The following LUZP2 variants were observed in gnomAD, a reference collection of about 807,000 sequenced individuals.
LUZP2 encodes the protein leucine zipper protein 2.
Under a neutral mutation model 51.6 loss-of-function variants are expected in LUZP2, and 52 were observed. The observed-to-expected ratio is 1.01, with a 90% CI of 0.81 to 1.27. The LOEUF is 1.27. Among genes scored for constraint, LUZP2 ranks in the 50% most tolerant of loss-of-function variants. The pLI, the probability that LUZP2 is intolerant of heterozygous loss-of-function variation, is 0.00. For missense variants in LUZP2, 436 were observed against 395.4 expected (o/e 1.10, Z -0.87); for synonymous variants, 154 against 137.3 (o/e 1.12, Z -0.85).
At chr11:24,638,161 C>T (rs1342160550) in intron 1 of LUZP2, among the ~76,000 whole-genome samples, 1 of 151,698 alleles carries the variant, frequency 6.6e-6, no homozygotes, top group Non-Finnish European at 1.5e-5. Flanking sequence ...CAAAACAAAA[C>T]TATATGAAAG....
At chr11:24,907,037 GC>G (rs1279097342) in intron 6 of LUZP2, among the ~76,000 whole-genome samples, 2 of 152,012 alleles carry the variant, frequency 1.3e-5, no homozygotes, top group Non-Finnish European at 2.9e-5. Flanking sequence ...ATCTTTTTCT[GC>G]CACTATCCTC....
Position 24,695,125 on chromosome 11 carries a change from C to A in LUZP2, c.63-34044C>A, listed in dbSNP as rs188667963. 3.9e-3 allele frequency among the ~76,000 whole-genome samples: 575 copies of A among 147,096 alleles called. 2 individuals are homozygous for A. The highest frequency in any genetic ancestry group is 0.013 in the African/African-American group (542 of 40,294). On this transcript the variant is annotated intron_variant, in intron 1 of 11. Transcript: ENST00000336930. ...GTCCAAAAAGTTTTCTCTATTTCAA[C>A]ATTGCCTAGCAATAAAAAATATATG...
At chr11:24,955,712 A>G (rs1408965198) in intron 7 of LUZP2, among the ~76,000 whole-genome samples, 1 of 152,030 alleles carries the variant, frequency 6.6e-6, no homozygotes, top group Non-Finnish European at 1.5e-5. Flanking sequence ...GACCAGGGAT[A>G]TAAGGCAACA....
intron 9 of LUZP2, among the ~76,000 whole-genome samples, chr11:25,024,626 C>T (rs2133979788): frequency 1.3e-5 from 2 of 152,122 alleles, no homozygotes; most frequent in East Asian, 3.9e-4. Flanking sequence ...AACTACAAAC[C>T]ACTGCTCAAC....
chr11:24,632,631 A>G (rs1214882675), intron 1 of LUZP2, among the ~76,000 whole-genome samples: 1 of 152,016 alleles, frequency 6.6e-6, no homozygotes, highest in Non-Finnish European at 1.5e-5. Context: ...GGGCAATCCT[A>G]ACAGCATCCC....
chr11:25,027,679 G>A lies in LUZP2; in HGVS notation c.766-22359G>A, dbSNP rs547186532. ...GAAGTCAGGAGGTCAAGATCAGCCTGGCCAAGATGGTGAAACCCCATCTCT... is the reference window on the plus strand; with the variant it reads ...GAAGTCAGGAGGTCAAGATCAGCCTAGCCAAGATGGTGAAACCCCATCTCT... On this transcript the variant is annotated intron_variant, in intron 9 of 11. Transcript: ENST00000336930. Among the ~76,000 whole-genome samples, 5 of 151,944 alleles carry A rather than the reference G, an allele frequency of 3.3e-5. No homozygotes were observed. The South Asian group carries it at 1.0e-3, about 32-fold the overall frequency.
chr11:24,506,452 C>A (rs758828346), intron 1 of LUZP2, among the ~76,000 whole-genome samples: 1 of 152,138 alleles, frequency 6.6e-6, no homozygotes, highest in Non-Finnish European at 1.5e-5. Context: ...ATTGTTGTAG[C>A]TTTTTCCTTC....
In LUZP2 at chr11:24,497,077, C is replaced by T. The variant is rs1206193568; in HGVS notation, c.-167C>T. 1.2e-5 allele frequency: 6 copies of T among 493,688 alleles called. No individual in the cohort carries two copies. Among genetic ancestry groups the T allele is most frequent in the Non-Finnish European group, 2.1e-5 (6 of 288,622 alleles). The allele number at this position is 493,688 out of a possible 1,614,324, so 30.6% of individuals were successfully genotyped here. On this transcript the variant is annotated 5_prime_UTR_variant, in exon 1 of 12. Coordinates refer to ENST00000336930, the MANE Select transcript of LUZP2 (RefSeq NM_001009909.4). Reference sequence around the variant, plus strand: ...CACTCCTGAAGATACTCCTCGCTCCCAGCGCCTGCCTTCCCCAGGCGTCCG... The same window carrying T: ...CACTCCTGAAGATACTCCTCGCTCCTAGCGCCTGCCTTCCCCAGGCGTCCG...
At chr11:24,961,382 A>G (rs1855398771) in intron 7 of LUZP2, among the ~76,000 whole-genome samples, 1 of 152,096 alleles carries the variant, frequency 6.6e-6, no homozygotes, top group Non-Finnish European at 1.5e-5. Flanking sequence ...GTGGGAGTCT[A>G]AGTCTCTTTG....
chr11:24,913,033 A>G (rs1853686888), intron 6 of LUZP2, among the ~76,000 whole-genome samples: 1 of 152,214 alleles, frequency 6.6e-6, no homozygotes, highest in Admixed American at 6.5e-5. Flanking sequence ...AGCTGCTTTT[A>G]AAATTTAATT....
chr11:24,952,878 G>A (rs1218147197), intron 7 of LUZP2, among the ~76,000 whole-genome samples: 2 of 151,846 alleles, frequency 1.3e-5, no homozygotes. Flanking sequence ...GTGAGATATT[G>A]TCATGGGTTG....
intron 1 of LUZP2, among the ~76,000 whole-genome samples, chr11:24,622,584 G>A (rs1190287058): frequency 6.6e-6 from 1 of 151,950 alleles, no homozygotes; most frequent in Admixed American, 6.6e-5. Context: ...ATAATCTCAG[G>A]GTTTTATCTC....
At chr11:24,892,343 T>G in intron 5 of LUZP2, 2 of 985,368 alleles carry the variant, frequency 2.0e-6, no homozygotes, top group Non-Finnish European at 2.4e-6. Context: ...ACATTCAAAT[T>G]AGCCACCACT....
At position 24,822,332 on chromosome 11, in the gene LUZP2, A is replaced by G. The variant is rs566257490; in HGVS notation, c.396+59024A>G. The stretch of plus-strand genomic sequence containing the variant: ...TTTTGTTGCTACTTTTAGCCTTCTG[A>G]GCACCAGACATCCCATACAGAGGTG... On this transcript the variant is annotated intron_variant, in intron 5 of 11. Transcript: ENST00000336930. 1.1e-4 allele frequency among the ~76,000 whole-genome samples: 17 copies of G among 152,158 alleles called. No individual in the cohort carries two copies. In the South Asian group the frequency reaches 3.5e-3, roughly 32 times the overall value.
At chr11:24,624,994 A>T (rs1854627855) in intron 1 of LUZP2, among the ~76,000 whole-genome samples, 1 of 152,194 alleles carries the variant, frequency 6.6e-6, no homozygotes, top group Non-Finnish European at 1.5e-5. Flanking sequence ...ATTGGTATGC[A>T]TGGTGAGCAC....
intron 5 of LUZP2, among the ~76,000 whole-genome samples, chr11:24,888,724 C>G (rs890552206): frequency 1.3e-5 from 2 of 151,968 alleles, no homozygotes; most frequent in African/African-American, 4.8e-5. Flanking sequence ...AATTGTAGTC[C>G]CCATAATCTC....
intron 9 of LUZP2, among the ~76,000 whole-genome samples, chr11:25,004,723 T>A (rs183631805): frequency 9.2e-5 from 14 of 152,320 alleles, no homozygotes; most frequent in African/African-American, 3.1e-4. Flanking sequence ...CTAATTCTCC[T>A]TAGTCCTTCT....
intron 10 of LUZP2, among the ~76,000 whole-genome samples, chr11:25,054,588 T>A (rs1460928694): frequency 2.6e-5 from 4 of 152,320 alleles, no homozygotes; most frequent in African/African-American, 4.8e-5. Flanking sequence ...AGAATATCTT[T>A]TTTTAATTGA....
intron 5 of LUZP2, among the ~76,000 whole-genome samples, chr11:24,769,950 C>G (rs1485526245): frequency 1.3e-5 from 2 of 152,074 alleles, no homozygotes; most frequent in Middle Eastern, 3.4e-3. Flanking sequence ...GCACCAGCAC[C>G]CCCGGCTAAA....
Sources: allele counts gnomAD v4.1 joint callset (sites outside exome capture counted in the v4.1 genomes callset), GRCh38; gene constraint gnomAD v4.1.1; transcripts MANE v1.5; gene names NCBI Gene and HGNC (gene_info 2026-07-23, HGNC 2026-07-21).